The following CHID1 variants were observed in gnomAD, a reference collection of about 807,000 sequenced individuals.
The protein encoded by CHID1 is chitinase domain containing 1.
Under a neutral mutation model 55.4 loss-of-function variants are expected in CHID1, and 44 were observed. The ratio of observed to expected loss-of-function variants is 0.79; its 90% CI spans 0.62 to 1.02. CHID1 has a LOEUF of 1.02. CHID1 is among the 50% of genes least tolerant of loss of function. The probability of loss-of-function intolerance (pLI) is 0.00; values close to 1 mark genes in which losing one functional copy is unlikely to be tolerated. For missense variants in CHID1, 491 were observed against 515.3 expected (o/e 0.95, Z 0.46); for synonymous variants, 216 against 212.9 (o/e 1.01, Z -0.13).
chr11:894,121 C>CAAAA (rs58548115), intron 7 of CHID1, among the ~76,000 whole-genome samples: 2 of 58,048 alleles, frequency 3.4e-5, no homozygotes, highest in African/African-American at 1.3e-4. Flanking sequence ...GACTCTGTCT[C>CAAAA]AAAAAAAAAA....
chr11:895,743 G>C (rs1851224384), intron 7 of CHID1, among the ~76,000 whole-genome samples: 1 of 152,132 alleles, frequency 6.6e-6, no homozygotes, highest in African/African-American at 2.4e-5. Context: ...CTGGCACAAT[G>C]CGGGCTGGGG....
upstream of CHID1, among the ~76,000 whole-genome samples, chr11:913,803 GC>G (rs886556603): frequency 2.7e-5 from 4 of 148,714 alleles, no homozygotes; most frequent in African/African-American, 9.9e-5. Flanking sequence ...AGTGGCACAT[GC>G]CTGTAATGCC....
chr11:906,760 G>T (rs1233413781), intron 1 of CHID1, among the ~76,000 whole-genome samples: 1 of 152,156 alleles, frequency 6.6e-6, no homozygotes, highest in Admixed American at 6.5e-5. Flanking sequence ...TGGGCGCGGG[G>T]GCTCACGCCT....
intron 10 of CHID1, among the ~76,000 whole-genome samples, chr11:874,550 G>A (rs1849375429): frequency 6.6e-6 from 1 of 152,184 alleles, no homozygotes; most frequent in African/African-American, 2.4e-5. Context: ...GACCTCCAAG[G>A]CTCAAGCGAT....
intron 10 of CHID1, 178 bp from the exon 11 acceptor site, chr11:870,677 G>A (rs1565158053): frequency 1.7e-6 from 1 of 581,126 alleles, no homozygotes; most frequent in Non-Finnish European, 3.1e-6. Context: ...TGTGAACCCT[G>A]TATTAGAGGA....
intron 1 of CHID1, among the ~76,000 whole-genome samples, chr11:906,733 A>G (rs1269813723): frequency 6.6e-6 from 1 of 152,222 alleles, no homozygotes; most frequent in Non-Finnish European, 1.5e-5. Context: ...CTTAAGAAAC[A>G]AAACAAAAAA....
In CHID1 at chr11:900,109, C is replaced by A. The variant is rs749082703; in HGVS notation, c.441G>T (p.Val147=). Residue 147 remains valine (V), a splice_region_variant and synonymous_variant, in exon 6 of 13, where the codon GTG becomes GTT. Transcript: ENST00000323578. ...TCCAGTCCTCAAACAGGAGCCGAGG[C>A]ACTGCAGGGGCAACAGACACACACG... ...VRKHAKGLHI[V]PRLLFEDWTY... is the part of the protein sequence containing the mutation. 3.1e-6 allele frequency: 5 copies of A among 1,612,424 alleles called. No homozygotes were observed. The highest frequency in any genetic ancestry group is 4.2e-6 in the Non-Finnish European group (5 of 1,178,892).
chr11:898,444 C>T (rs1470781278), intron 7 of CHID1, among the ~76,000 whole-genome samples: 2 of 152,228 alleles, frequency 1.3e-5, no homozygotes, highest in Non-Finnish European at 2.9e-5. Flanking sequence ...TCCAGGCACC[C>T]GCGGTGGAGA....
At chr11:897,870 C>T (rs1051177139) in intron 7 of CHID1, among the ~76,000 whole-genome samples, 1 of 151,982 alleles carries the variant, frequency 6.6e-6, no homozygotes. Flanking sequence ...ATCTGGGCAC[C>T]AGGATCCAGT....
chr11:898,903 T>A (rs1851593228), intron 7 of CHID1, among the ~76,000 whole-genome samples: 1 of 152,104 alleles, frequency 6.6e-6, no homozygotes, highest in African/African-American at 2.4e-5. Context: ...GCCATGGCGG[T>A]CCACACCACG....
chr11:887,809 C>G (rs1850509342), intron 8 of CHID1, among the ~76,000 whole-genome samples: 1 of 152,220 alleles, frequency 6.6e-6, no homozygotes, highest in South Asian at 2.1e-4. Flanking sequence ...CGCCCCTGTC[C>G]CTCTCGTGGG....
At chr11:891,675 GTGTC>G (rs2134235794) in intron 8 of CHID1, among the ~76,000 whole-genome samples, 1 of 152,310 alleles carries the variant, frequency 6.6e-6, no homozygotes, top group Admixed American at 6.5e-5. Flanking sequence ...TGGACAAGGA[GTGTC>G]TGCTGCCCCG....
At chr11:871,632 C>T (rs1849181920) in intron 10 of CHID1, among the ~76,000 whole-genome samples, 1 of 42,452 alleles carries the variant, frequency 2.4e-5, no homozygotes, top group Admixed American at 2.6e-4. Context: ...CCCCCACGTG[C>T]CTGGGGCTGC....
chr11:870,503 G>C lies in CHID1; in HGVS notation c.960-4C>G, dbSNP rs1372957590. On this transcript the variant is annotated splice_polypyrimidine_tract_variant and splice_region_variant and intron_variant, in intron 10 of 12. Coordinates refer to ENST00000323578, the MANE Select transcript of CHID1 (RefSeq NM_023947.4). ...GTCCTTCAGTGTCTGGATGTACCTG[G>C]GGAGACCAGGATATGGATTTGGGAG... The C allele has an allele frequency of 1.2e-6, 2 of 1,604,046 alleles. No homozygotes were observed. The highest frequency in any genetic ancestry group is 1.7e-6 in the Non-Finnish European group (2 of 1,174,676).
intron 10 of CHID1, 192 bp from the exon 11 acceptor site, chr11:870,691 C>G (rs1027562705): frequency 3.5e-5 from 20 of 565,460 alleles, no homozygotes; most frequent in Non-Finnish European, 5.4e-5. Context: ...TAGAGGAAAC[C>G]TCAGGAAAAA....
At position 875,740 on chromosome 11, in the gene CHID1, C is replaced by T. The variant is rs989002426; in HGVS notation, c.960-5241G>A. Among the ~76,000 whole-genome samples the T allele has an allele frequency of 4.6e-5, 7 of 152,088 alleles. No individual in the cohort carries two copies. Among genetic ancestry groups the T allele is most frequent in the Non-Finnish European group, 8.8e-5 (6 of 68,028 alleles). On this transcript the variant is annotated intron_variant, in intron 10 of 12. Transcript: ENST00000323578. This position sits in a 1 kb window ranked among gnomAD's most constrained non-coding sequence, Gnocchi z 4.7. The stretch of plus-strand genomic sequence containing the variant: ...AGATTCACAAGACAGAGGAGGAAAA[C>T]GCCTAGGTCCACCGAGTCGTGGCAG...
At chr11:903,472 C>T (rs1851976378) in intron 2 of CHID1, among the ~76,000 whole-genome samples, 1 of 152,242 alleles carries the variant, frequency 6.6e-6, no homozygotes, top group African/African-American at 2.4e-5. Flanking sequence ...GGGCCATACG[C>T]TTTGCTGGAC....
At chr11:889,250 G>A (rs1379409557) in intron 8 of CHID1, among the ~76,000 whole-genome samples, 10 of 152,118 alleles carry the variant, frequency 6.6e-5, no homozygotes, top group Non-Finnish European at 1.0e-4. Context: ...AGCACAGCAC[G>A]ACTCTCACGT....
At chr11:876,690 G>A (rs935637954) in intron 10 of CHID1, among the ~76,000 whole-genome samples, 5 of 152,216 alleles carry the variant, frequency 3.3e-5, no homozygotes, top group South Asian at 2.1e-4. Flanking sequence ...GCTGTGCAGC[G>A]TCAGCACTCT....
Sources: gnomAD v4.1 joint callset for allele counts (sites outside exome capture counted in the v4.1 genomes callset) on GRCh38, gnomAD v4.1.1 for gene constraint, Gnocchi (gnomAD v3.1) non-coding constraint, MANE v1.5 for transcripts, NCBI Gene and HGNC (gene_info 2026-07-23, HGNC 2026-07-21) for gene names.